Variants in SEMA3A observed in about 807,000 individuals in gnomAD.
SEMA3A encodes semaphorin-3A.
Under a neutral mutation model 97.9 loss-of-function variants are expected in SEMA3A, and 29 were observed. The ratio of observed to expected loss-of-function variants is 0.30; its 90% CI spans 0.22 to 0.40. The LOEUF (loss-of-function observed/expected upper bound fraction) is 0.40. SEMA3A is among the 10% of genes least tolerant of loss of function. SEMA3A has a pLI of 1.00. For missense variants in SEMA3A, 763 were observed against 951.3 expected, an observed-to-expected ratio of 0.80 and a Z score of 2.60; for synonymous variants, 321 against 323.7, an observed-to-expected ratio of 0.99 and a Z score of 0.09.
At chr7:84,357,499 T>C (rs1802594715) in intron 2 of SEMA3A, among the ~76,000 whole-genome samples, 1 of 152,172 alleles carries the variant, frequency 6.6e-6, no homozygotes, top group Non-Finnish European at 1.5e-5. Context: ...TATTCCATTG[T>C]GTATATGTGC....
chr7:84,202,586 C>T (rs1161906328), intron 3 of SEMA3A, among the ~76,000 whole-genome samples: 3 of 152,132 alleles, frequency 2.0e-5, no homozygotes, highest in African/African-American at 4.8e-5. Context: ...GTGTGCAATC[C>T]AGCGCACTTA....
intron 4 of SEMA3A, among the ~76,000 whole-genome samples, chr7:84,098,650 G>T (rs1474484952): frequency 6.6e-6 from 1 of 152,084 alleles, no homozygotes; most frequent in Non-Finnish European, 1.5e-5. Flanking sequence ...CTTTCAAGAA[G>T]GTTCTTGATA....
chr7:84,188,903 T>C (rs973053562), intron 1 of SEMA3A, among the ~76,000 whole-genome samples: 1 of 151,900 alleles, frequency 6.6e-6, no homozygotes, highest in Admixed American at 6.6e-5. Flanking sequence ...TTTGTGAATG[T>C]TAAATTTCAT....
intron 6 of SEMA3A, among the ~76,000 whole-genome samples, chr7:84,031,780 G>A (rs1291681066): frequency 6.6e-6 from 1 of 152,078 alleles, no homozygotes; most frequent in Non-Finnish European, 1.5e-5. Context: ...AGGTTGTGGT[G>A]AGCCGAGATT....
intron 3 of SEMA3A, among the ~76,000 whole-genome samples, chr7:84,266,694 G>A (rs190222752): frequency 6.6e-6 from 1 of 152,260 alleles, no homozygotes; most frequent in African/African-American, 2.4e-5. Flanking sequence ...TAGCTGGGGA[G>A]TGAGAAAATA....
chr7:84,254,547 G>A (rs556328233), intron 3 of SEMA3A, among the ~76,000 whole-genome samples: 2 of 152,164 alleles, frequency 1.3e-5, no homozygotes, highest in Admixed American at 6.6e-5. Flanking sequence ...GGACAATGAC[G>A]CATAATATTC....
At chr7:84,285,574 A>C (rs1245938941) in intron 3 of SEMA3A, among the ~76,000 whole-genome samples, 1 of 152,142 alleles carries the variant, frequency 6.6e-6, no homozygotes, top group Non-Finnish European at 1.5e-5. Context: ...ATAAATCTTT[A>C]TTACTTTTAA....
chr7:84,469,350 GTTT>G (rs1163006030), intron 1 of SEMA3A, among the ~76,000 whole-genome samples: 1 of 152,116 alleles, frequency 6.6e-6, no homozygotes, highest in African/African-American at 2.4e-5. Context: ...GTTTCCATAA[GTTT>G]TACTGGTTTA....
chr7:84,328,554 T>C (rs1479437655), intron 2 of SEMA3A, among the ~76,000 whole-genome samples: 1 of 152,062 alleles, frequency 6.6e-6, no homozygotes, highest in Non-Finnish European at 1.5e-5. Flanking sequence ...ATTTGAAAGC[T>C]TCTCTTTTGA....
At chr7:84,172,673 G>T (rs1272944326) in intron 1 of SEMA3A, among the ~76,000 whole-genome samples, 1 of 152,014 alleles carries the variant, frequency 6.6e-6, no homozygotes, top group Non-Finnish European at 1.5e-5. Context: ...TGATCTGCCT[G>T]CCTTGGCCTC....
intron 4 of SEMA3A, among the ~76,000 whole-genome samples, chr7:84,073,055 TA>T (rs202131402): frequency 0.019 from 2,959 of 152,240 alleles, 99 homozygotes; most frequent in African/African-American, 0.068. Flanking sequence ...CTAAACACAC[TA>T]AAGTAGTAGA....
chr7:83,962,191 G>A (rs1788500002), intron 16 of SEMA3A, among the ~76,000 whole-genome samples: 1 of 152,092 alleles, frequency 6.6e-6, no homozygotes, highest in Non-Finnish European at 1.5e-5. Flanking sequence ...ACAGAACCAT[G>A]ATACTAGAAA....
chr7:84,429,548 AGC>A lies in SEMA3A; in HGVS notation c.-245-57650_-245-57649del, dbSNP rs1406449201. On this transcript the variant is annotated intron_variant, in intron 1 of 3. Coordinates refer to the SEMA3A transcript ENST00000424555. The stretch of plus-strand genomic sequence containing the variant: ...TATATATATATATATATATATATAT[AGC>A]GAGAGAGAGAGAGAGAGAGAGAGGT... Among the ~76,000 whole-genome samples, 253 of 115,672 alleles carry A rather than the reference AGC, an allele frequency of 2.2e-3. 2 individuals are homozygous for A. The highest frequency in any genetic ancestry group is 5.3e-3 in the African/African-American group (164 of 31,212). The allele number at this position is 115,672 out of a possible 152,430, so 75.9% of individuals were successfully genotyped here.
intron 3 of SEMA3A, among the ~76,000 whole-genome samples, chr7:84,256,271 A>G (rs1799718148): frequency 6.6e-6 from 1 of 152,080 alleles, no homozygotes; most frequent in Non-Finnish European, 1.5e-5. Flanking sequence ...GATGTACTAT[A>G]TATCCTATGA....
At chr7:84,050,156 A>G (rs1792552503) in intron 5 of SEMA3A, among the ~76,000 whole-genome samples, 1 of 151,972 alleles carries the variant, frequency 6.6e-6, no homozygotes, top group African/African-American at 2.4e-5. Context: ...GTTATTGTGA[A>G]TAATGCCGCA....
intron 1 of SEMA3A, among the ~76,000 whole-genome samples, chr7:84,143,883 C>T (rs1301583744): frequency 6.7e-6 from 1 of 148,288 alleles, no homozygotes; most frequent in Non-Finnish European, 1.5e-5. Context: ...ATCATCATTT[C>T]AACTAACATG....
chr7:84,137,694 A>G (rs1198320761), intron 1 of SEMA3A, among the ~76,000 whole-genome samples: 1 of 149,894 alleles, frequency 6.7e-6, no homozygotes, highest in Non-Finnish European at 1.5e-5. Context: ...AACTTTAAAA[A>G]AAAAAAAAAA....
At chr7:84,391,394 A>G (rs939929489) in intron 1 of SEMA3A, among the ~76,000 whole-genome samples, 1 of 152,148 alleles carries the variant, frequency 6.6e-6, no homozygotes. Context: ...GCTTGCATCA[A>G]TGTGAAGAGG....
intron 6 of SEMA3A, among the ~76,000 whole-genome samples, chr7:84,025,329 C>T (rs1026358482): frequency 6.6e-6 from 1 of 152,098 alleles, no homozygotes; most frequent in African/African-American, 2.4e-5. Context: ...ATAATTATCA[C>T]CAGATGACTG....
Sources: allele counts gnomAD v4.1 joint callset (sites outside exome capture counted in the v4.1 genomes callset), GRCh38; gene constraint gnomAD v4.1.1; transcripts MANE v1.5; gene names NCBI Gene and HGNC (gene_info 2026-07-23, HGNC 2026-07-21).